TRPC5: variants seen among roughly 807,000 people sequenced by gnomAD.
TRPC5 encodes short transient receptor potential channel 5.
A neutral mutation model predicts 56.5 loss-of-function variants in TRPC5; 9 were observed. That is an observed-to-expected ratio of 0.16 (90% confidence interval 0.10 to 0.28). The LOEUF is 0.28. TRPC5 is among the 10% of genes least tolerant of loss of function. The pLI, the probability that TRPC5 is intolerant of heterozygous loss-of-function variation, is 1.00. For synonymous variants in TRPC5, 282 were observed against 278.5 expected, an observed-to-expected ratio of 1.01 and a Z score of -0.13; for missense variants, 469 against 748.9, an observed-to-expected ratio of 0.63 and a Z score of 4.36.
intron 3 of TRPC5, among the ~76,000 whole-genome samples, chrX:111,886,237 G>A (rs2148603329): frequency 8.9e-6 from 1 of 112,406 alleles, no homozygotes; most frequent in African/African-American, 3.2e-5. Flanking sequence ...CCAAGATCAT[G>A]CCATTGCACT....
At chrX:112,018,815 G>A (rs1929193853) in intron 1 of TRPC5, among the ~76,000 whole-genome samples, 1 of 112,050 alleles carries the variant, frequency 8.9e-6, no homozygotes, top group African/African-American at 3.2e-5. Context: ...TCTCATCTGG[G>A]TTCAAGGCCT....
intron 3 of TRPC5, among the ~76,000 whole-genome samples, chrX:111,892,777 C>A (rs1029203096): frequency 9.0e-6 from 1 of 111,646 alleles, no homozygotes; most frequent in Admixed American, 9.5e-5. Flanking sequence ...TCTGGCATGT[C>A]CTTCCAATTT....
At chrX:111,778,620 T>C (rs938259735) in intron 10 of TRPC5, among the ~76,000 whole-genome samples, 3 of 112,350 alleles carry the variant, frequency 2.7e-5, no homozygotes, top group African/African-American at 6.5e-5. Context: ...TTTGATCTTA[T>C]ATCTTTTAAG....
intron 1 of TRPC5, among the ~76,000 whole-genome samples, chrX:112,045,797 C>T (rs7880303): frequency 9.0e-6 from 1 of 110,914 alleles, no homozygotes; most frequent in Non-Finnish European, 1.9e-5. Flanking sequence ...TTTTGTGAAC[C>T]GTTGAGTGGT....
chrX:111,834,721 C>G (rs762670967), intron 7 of TRPC5, among the ~76,000 whole-genome samples, 200 bp downstream of exon 7: 1 of 112,052 alleles, frequency 8.9e-6, no homozygotes, highest in Admixed American at 9.5e-5. Context: ...ACTCGAATAA[C>G]TTAGATGATG....
intron 1 of TRPC5, among the ~76,000 whole-genome samples, chrX:112,049,155 A>G (rs1416117296): frequency 1.8e-5 from 2 of 111,936 alleles, no homozygotes; most frequent in Non-Finnish European, 3.8e-5. Flanking sequence ...GGTTTATGTG[A>G]AAGCTCTCTG....
At position 111,943,661 on chromosome X, in the gene TRPC5, AT is replaced by A. The variant is rs1926842803; in HGVS notation, c.378+8381del. ...TTGACGCAAGTGACCAAGAAAGAAA[AT>A]TACTTGGGTGGGTTGTTGATATAGA... On this transcript the variant is annotated intron_variant, in intron 2 of 10. Transcript: ENST00000262839. Among the ~76,000 whole-genome samples the A allele has an allele frequency of 1.1e-4, 12 of 112,204 alleles. No individual in the cohort carries two copies. The Admixed American group carries it at 1.1e-3, about 11-fold the overall frequency.
At chrX:112,055,809 T>A (rs184410683) in intron 1 of TRPC5, among the ~76,000 whole-genome samples, 1 of 108,406 alleles carries the variant, frequency 9.2e-6, no homozygotes, top group Non-Finnish European at 1.9e-5. Flanking sequence ...ATTGGGAGGG[T>A]TTTTTTAGTA....
At chrX:112,025,599 T>C (rs1222452682) in intron 1 of TRPC5, among the ~76,000 whole-genome samples, 2 of 111,910 alleles carry the variant, frequency 1.8e-5, no homozygotes, top group African/African-American at 6.5e-5. Context: ...ACTCTCCATG[T>C]GTTTGTTTGT....
intron 3 of TRPC5, among the ~76,000 whole-genome samples, chrX:111,858,000 C>T (rs1413134357): frequency 8.9e-6 from 1 of 112,531 alleles, no homozygotes; most frequent in African/African-American, 3.2e-5. Context: ...CAATTTGGCT[C>T]AAGCTGGGCA....
At chrX:111,889,009 G>A (rs1021048252) in intron 3 of TRPC5, among the ~76,000 whole-genome samples, 5 of 112,133 alleles carry the variant, frequency 4.5e-5, no homozygotes, top group Non-Finnish European at 5.6e-5. Context: ...AGTTTTGAAT[G>A]TACTGTGTTG....
At chrX:111,894,194 C>T (rs1924950969) in intron 3 of TRPC5, among the ~76,000 whole-genome samples, 1 of 111,453 alleles carries the variant, frequency 9.0e-6, no homozygotes, top group East Asian at 2.8e-4. Flanking sequence ...ACTAATTTAC[C>T]TTACCTAATA....
intron 7 of TRPC5, among the ~76,000 whole-genome samples, chrX:111,790,034 T>A (rs766417777): frequency 4.5e-5 from 5 of 112,014 alleles, no homozygotes; most frequent in African/African-American, 6.5e-5. Flanking sequence ...AGGAATACAA[T>A]TTGATTCAGC....
chrX:111,779,559 C>T (rs926662233), intron 9 of TRPC5, among the ~76,000 whole-genome samples: 1 of 111,877 alleles, frequency 8.9e-6, no homozygotes, highest in African/African-American at 3.2e-5. Context: ...TTTCACTAAG[C>T]CCCCAGGGGA....
At chrX:112,028,117 T>C (rs1044120924) in intron 1 of TRPC5, among the ~76,000 whole-genome samples, 3 of 111,719 alleles carry the variant, frequency 2.7e-5, no homozygotes, top group African/African-American at 9.8e-5. Context: ...TTGTCTTTTA[T>C]TGTTGGCCTG....
chrX:111,969,205 AT>A (rs1488056538), intron 1 of TRPC5, among the ~76,000 whole-genome samples: 1 of 110,661 alleles, frequency 9.0e-6, no homozygotes, highest in African/African-American at 3.3e-5. Flanking sequence ...AATCGTTAAC[AT>A]TTTTTAGCAA....
At chrX:111,871,626 A>T (rs1923761784) in intron 3 of TRPC5, among the ~76,000 whole-genome samples, 1 of 111,800 alleles carries the variant, frequency 8.9e-6, no homozygotes, top group Non-Finnish European at 1.9e-5. Flanking sequence ...ATTTTTCATG[A>T]TGGATTACTA....
intron 6 of TRPC5, among the ~76,000 whole-genome samples, chrX:111,836,267 G>A (rs1224239062): frequency 1.8e-5 from 2 of 112,097 alleles, no homozygotes; most frequent in Non-Finnish European, 3.8e-5. Flanking sequence ...CAGTTCGTGG[G>A]TGGCAGAGAT....
At chrX:112,050,892 T>C (rs1417000173) in intron 1 of TRPC5, among the ~76,000 whole-genome samples, 4 of 112,281 alleles carry the variant, frequency 3.6e-5, no homozygotes, top group African/African-American at 1.3e-4. Flanking sequence ...GGGCCAAAAA[T>C]CAAAATACGT....
Sources: gnomAD v4.1 joint callset for allele counts (sites outside exome capture counted in the v4.1 genomes callset) on GRCh38, gnomAD v4.1.1 for gene constraint, MANE v1.5 for transcripts, NCBI Gene and HGNC (gene_info 2026-07-23, HGNC 2026-07-21) for gene names.